The following FRYL variants were observed in gnomAD, a reference collection of about 807,000 sequenced individuals.
The protein encoded by FRYL is FRY like transcription coactivator.
A neutral mutation model predicts 351.2 loss-of-function variants in FRYL; 150 were observed. The observed-to-expected ratio is 0.43, with a 90% CI of 0.37 to 0.49. The LOEUF (loss-of-function observed/expected upper bound fraction) is 0.49. Among genes scored for constraint, FRYL ranks in the 20% least tolerant of loss-of-function variants. The probability of loss-of-function intolerance (pLI) is 0.00; values close to 1 mark genes in which losing one functional copy is unlikely to be tolerated. For missense variants in FRYL, 3,036 were observed against 3,619.3 expected, an observed-to-expected ratio of 0.84 and a Z score of 4.13; for synonymous variants, 1,153 against 1,257.1, an observed-to-expected ratio of 0.92 and a Z score of 1.75.
chr4:48,676,396 C>T (rs1352985272), intron 3 of FRYL, among the ~76,000 whole-genome samples: 1 of 152,122 alleles, frequency 6.6e-6, no homozygotes, highest in Non-Finnish European at 1.5e-5. Context: ...AGACTCCAGA[C>T]GCACCATCTT....
At chr4:48,716,333 C>G (rs1037564446) in intron 1 of FRYL, among the ~76,000 whole-genome samples, 1 of 151,362 alleles carries the variant, frequency 6.6e-6, no homozygotes, top group African/African-American at 2.4e-5. Flanking sequence ...TCAGAGTGAA[C>G]AGGCAACCCA....
At chr4:48,620,226 A>T (rs944501859) in intron 6 of FRYL, among the ~76,000 whole-genome samples, 16 of 152,230 alleles carry the variant, frequency 1.1e-4, no homozygotes, top group African/African-American at 3.9e-4. Flanking sequence ...CAAGAACAGT[A>T]TCATAGTACT....
intron 1 of FRYL, among the ~76,000 whole-genome samples, chr4:48,755,512 T>A (rs1208357428): frequency 6.6e-6 from 1 of 152,198 alleles, no homozygotes; most frequent in Non-Finnish European, 1.5e-5. Flanking sequence ...CCAACATTAT[T>A]CAGCTGACAT....
intron 3 of FRYL, among the ~76,000 whole-genome samples, chr4:48,645,154 A>ATATATATC (rs1373290711): frequency 3.6e-4 from 44 of 122,966 alleles, no homozygotes; most frequent in Non-Finnish European, 6.4e-4. Context: ...ATATATATAT[A>ATATATATC]TCAGACTGGC....
At chr4:48,681,118 A>C (rs748818904) in intron 3 of FRYL, 1 of 1,244,062 alleles carries the variant, frequency 8.0e-7, no homozygotes, top group South Asian at 1.4e-5. Flanking sequence ...TCTCTTTAAA[A>C]AATCCATTTT....
At position 48,606,583 on chromosome 4, in the gene FRYL, A is replaced by G; in HGVS notation, c.596T>C (p.Phe199Ser). The change falls in exon 10 of 64, where the codon TTT (phenylalanine) becomes TCT (serine). Residue 199 changes from phenylalanine to serine, a missense_variant. By Grantham distance (155) the Phe-to-Ser change is radical. Coordinates refer to ENST00000358350, the MANE Select transcript of FRYL (RefSeq NM_015030.2). ...TCGCAGTTCTTTTAATTCTGTCACAAACTTCTTCCTTACAGCCTGAAACCT... is the reference window on the plus strand; with the variant it reads ...TCGCAGTTCTTTTAATTCTGTCACAGACTTCTTCCTTACAGCCTGAAACCT... ...QSKFQAVRKK[F>S]VTELKELRQK... is the part of the protein sequence containing the mutation. 1 of 1,610,658 alleles carries G rather than the reference A, an allele frequency of 6.2e-7. No individual in the cohort carries two copies. The highest frequency in any genetic ancestry group is 8.5e-7 in the Non-Finnish European group (1 of 1,177,632).
Position 48,557,610 on chromosome 4 carries a change from G to A in FRYL, c.3968C>T (p.Pro1323Leu). 1.2e-6 allele frequency: 2 copies of A among 1,614,122 alleles called. No homozygotes were observed. The highest frequency in any genetic ancestry group is 1.7e-6 in the Non-Finnish European group (2 of 1,180,026). Residue 1323 changes from proline (P) to leucine (L), a missense_variant, in exon 34 of 64, where the codon CCT (proline) becomes CTT (leucine). Pro to Leu is a moderately conservative substitution (Grantham distance 98, BLOSUM62 -3). Coordinates refer to ENST00000358350, the MANE Select transcript of FRYL (RefSeq NM_015030.2). ...MNNIELVDLK[P>L]LPTARRHDED... ...ATCATGTCGCCTTGCTGTGGGGAGA[G>A]GTTTTAAGTCCACCAGCTCGATGTT... is the stretch of plus-strand genomic sequence containing the variant.
intron 1 of FRYL, among the ~76,000 whole-genome samples, chr4:48,723,019 G>T (rs540334804): frequency 2.0e-5 from 3 of 151,928 alleles, no homozygotes; most frequent in African/African-American, 7.2e-5. Context: ...TCCTCCTAAG[G>T]GATCATGCCA....
At chr4:48,681,241 T>C (rs1333908263) in intron 3 of FRYL, 1 of 343,448 alleles carries the variant, frequency 2.9e-6, no homozygotes, top group African/African-American at 2.2e-5. Context: ...AAACGTCATA[T>C]GAATTTAGGC....
At chr4:48,525,244 C>A (rs1226442392) in intron 53 of FRYL, among the ~76,000 whole-genome samples, 3 of 148,826 alleles carry the variant, frequency 2.0e-5, no homozygotes, top group Non-Finnish European at 4.4e-5. Flanking sequence ...GGATTAGTGT[C>A]AAAAAAAAGT....
chr4:48,688,071 T>G (rs1279754417), intron 2 of FRYL, among the ~76,000 whole-genome samples: 1 of 152,170 alleles, frequency 6.6e-6, no homozygotes, highest in Non-Finnish European at 1.5e-5. Flanking sequence ...AAATCTAACT[T>G]CAAAATGTAT....
At chr4:48,771,275 G>C (rs1299649006) in intron 1 of FRYL, among the ~76,000 whole-genome samples, 1 of 152,134 alleles carries the variant, frequency 6.6e-6, no homozygotes, top group Non-Finnish European at 1.5e-5. Flanking sequence ...ACAGAAAAAT[G>C]CATCTATAAA....
At chr4:48,531,817 C>T (rs1727709988) in intron 49 of FRYL, among the ~76,000 whole-genome samples, 1 of 152,056 alleles carries the variant, frequency 6.6e-6, no homozygotes, top group Non-Finnish European at 1.5e-5. Context: ...TACTAAAATA[C>T]AGTTAAGTCT....
chr4:48,662,269 T>G (rs1470528994), intron 3 of FRYL, among the ~76,000 whole-genome samples: 1 of 152,046 alleles, frequency 6.6e-6, no homozygotes, highest in Admixed American at 6.5e-5. Context: ...AGTGAGACTT[T>G]GTCTCTATAA....
chr4:48,518,014 A>C (rs1273932948), intron 55 of FRYL, among the ~76,000 whole-genome samples: 1 of 152,228 alleles, frequency 6.6e-6, no homozygotes, highest in African/African-American at 2.4e-5. Flanking sequence ...GAGAAAAACA[A>C]ATTAGGCCAA....
intron 32 of FRYL, 94 bp from the exon 33 acceptor site, chr4:48,561,730 C>T (rs1735541649): frequency 1.0e-6 from 1 of 979,724 alleles, no homozygotes; most frequent in Non-Finnish European, 1.5e-6. Flanking sequence ...AACTCTTCTC[C>T]CCAGCTGAGT....
At chr4:48,681,180 C>A in intron 3 of FRYL, 1 of 786,038 alleles carries the variant, frequency 1.3e-6, no homozygotes, top group Non-Finnish European at 1.6e-6. Context: ...GTGCCTATAC[C>A]AACTTCCTTG....
intron 1 of FRYL, among the ~76,000 whole-genome samples, chr4:48,762,631 G>A (rs1578959636): frequency 6.6e-6 from 1 of 152,100 alleles, no homozygotes; most frequent in Non-Finnish European, 1.5e-5. Flanking sequence ...CTTGTGTGCT[G>A]GGCCCTGCTC....
rs1180118601 is a variant in FRYL at position 48,549,712 on chromosome 4, T to C, written c.4634-89A>G. The C allele has an allele frequency of 1.9e-6, 2 of 1,041,512 alleles. No homozygotes were observed. The highest frequency in any genetic ancestry group is 2.6e-5 in the Admixed American group (1 of 37,976). The allele number at this position is 1,041,512 out of a possible 1,614,324, so 64.5% of individuals were successfully genotyped here. On this transcript the variant is annotated intron_variant, in intron 38 of 63. Coordinates refer to ENST00000358350, the MANE Select transcript of FRYL (RefSeq NM_015030.2). This position sits in a 1 kb window ranked among gnomAD's most constrained non-coding sequence, Gnocchi z 4.2. ...AGTAAGATCCCAACTATTTATATAG[T>C]ATTGGAAAGTGATAAAAAAAATTTC...
Sources: allele counts gnomAD v4.1 joint callset (sites outside exome capture counted in the v4.1 genomes callset), GRCh38; gene constraint gnomAD v4.1.1; non-coding constraint Gnocchi (gnomAD v3.1); transcripts MANE v1.5; gene names NCBI Gene and HGNC (gene_info 2026-07-23, HGNC 2026-07-21).